PSMB7: variants seen among roughly 807,000 people sequenced by gnomAD.
PSMB7 encodes proteasome subunit beta type-7.
Under a neutral mutation model 28.1 loss-of-function variants are expected in PSMB7, and 5 were observed. That is an observed-to-expected ratio of 0.18 (90% confidence interval 0.09 to 0.37). The LOEUF (loss-of-function observed/expected upper bound fraction) is 0.37, where lower values mean the gene tolerates loss of function less well. PSMB7 is among the 10% of genes least tolerant of loss of function. PSMB7 has a pLI of 1.00. For missense variants in PSMB7, 275 were observed against 346.2 expected (o/e 0.79, Z 1.63); for synonymous variants, 122 against 123.7 (o/e 0.99, Z 0.09).
At chr9:124,366,651 C>T (rs1226868350) in intron 6 of PSMB7, among the ~76,000 whole-genome samples, 1 of 151,944 alleles carries the variant, frequency 6.6e-6, no homozygotes, top group African/African-American at 2.4e-5. Context: ...CTTCACTCAC[C>T]ACCCACTCAC....
chr9:124,364,012 G>C (rs964875063), intron 6 of PSMB7, among the ~76,000 whole-genome samples: 15 of 152,136 alleles, frequency 9.9e-5, no homozygotes, highest in Non-Finnish European at 1.8e-4. Flanking sequence ...TCTGTCCAAG[G>C]AATAAAATGA....
At chr9:124,368,300 A>T (rs1338675737) in intron 6 of PSMB7, among the ~76,000 whole-genome samples, 2 of 152,248 alleles carry the variant, frequency 1.3e-5, no homozygotes, top group African/African-American at 4.8e-5. Context: ...AAGTAAATTT[A>T]ATTTATAAAT....
intron 5 of PSMB7, chr9:124,398,412 C>A: frequency 6.4e-6 from 2 of 310,618 alleles, no homozygotes; most frequent in Non-Finnish European, 1.3e-5. Context: ...AGAGACAAAG[C>A]CCAGGCGAGT....
intron 5 of PSMB7, among the ~76,000 whole-genome samples, chr9:124,388,530 G>T (rs1488288933): frequency 6.6e-6 from 1 of 152,206 alleles, no homozygotes; most frequent in African/African-American, 2.4e-5. Context: ...ATGTGAGAAA[G>T]CTCCTTGTCT....
rs140795669 is a variant in PSMB7 at position 124,367,009 on chromosome 9, A to G, written c.571-10094T>C. Among the ~76,000 whole-genome samples, 904 of 152,388 alleles carry G rather than the reference A, an allele frequency of 5.9e-3. 10 individuals carry two copies. The highest frequency in any genetic ancestry group is 0.021 in the African/African-American group (876 of 41,594). On this transcript the variant is annotated intron_variant, in intron 6 of 7. Transcript: ENST00000259457. ...ATGTGTCCCTGTCGTTAAGCAACAC[A>G]TAACTATAGTTCGACTTGTGCTTTT...
At chr9:124,411,088 G>A (rs930077849) in intron 4 of PSMB7, among the ~76,000 whole-genome samples, 1 of 151,710 alleles carries the variant, frequency 6.6e-6, no homozygotes, top group Non-Finnish European at 1.5e-5. Flanking sequence ...CGATTCTCCT[G>A]TCTCAGCCTC....
rs556208711 is a variant in PSMB7, at chr9:124,411,579, A to T, written c.395+773T>A. Among the ~76,000 whole-genome samples, 167 of 152,376 alleles carry T rather than the reference A, an allele frequency of 1.1e-3. 1 individual carries two copies. Among genetic ancestry groups the T allele is most frequent in the African/African-American group, 3.2e-3 (135 of 41,594 alleles). On this transcript the variant is annotated intron_variant, in intron 4 of 7. Coordinates refer to ENST00000259457, the MANE Select transcript of PSMB7 (RefSeq NM_002799.4). ...CTAAATGCCCAGGCTACTTCTCCTA[A>T]AATCACTGCCTCTCTTATGAGAAGC...
intron 7 of PSMB7, among the ~76,000 whole-genome samples, chr9:124,355,531 T>C (rs1159525629): frequency 6.6e-6 from 1 of 152,174 alleles, no homozygotes; most frequent in Admixed American, 6.5e-5. Flanking sequence ...CTTGCTCAAA[T>C]CACGCATCTT....
At chr9:124,406,497 C>CAAAAAA (rs772524538) in intron 4 of PSMB7, among the ~76,000 whole-genome samples, 1 of 50,506 alleles carries the variant, frequency 2.0e-5, no homozygotes, top group East Asian at 5.8e-4. Context: ...AGAGTTGTCT[C>CAAAAAA]AAAAAAAAAA....
intron 6 of PSMB7, among the ~76,000 whole-genome samples, chr9:124,360,297 G>A (rs1830453505): frequency 6.6e-6 from 1 of 152,240 alleles, no homozygotes; most frequent in Admixed American, 6.5e-5. Context: ...ATAAGCGCAA[G>A]AAGCACTGTC....
chr9:124,374,249 T>G (rs1830588075), intron 6 of PSMB7, among the ~76,000 whole-genome samples: 1 of 151,606 alleles, frequency 6.6e-6, no homozygotes, highest in Non-Finnish European at 1.5e-5. Context: ...AAATGGGGAG[T>G]GATGGCCAAT....
chr9:124,380,323 T>C (rs1830652202), intron 6 of PSMB7, among the ~76,000 whole-genome samples: 1 of 152,176 alleles, frequency 6.6e-6, no homozygotes, highest in Admixed American at 6.5e-5. Context: ...GTGGCTCATC[T>C]GAGCCCAGGA....
chr9:124,388,427 C>A (rs1830747779), intron 5 of PSMB7, among the ~76,000 whole-genome samples: 1 of 152,174 alleles, frequency 6.6e-6, no homozygotes, highest in East Asian at 1.9e-4. Flanking sequence ...GAGAAGGAAG[C>A]CAAAGAGAAG....
intron 5 of PSMB7, among the ~76,000 whole-genome samples, chr9:124,401,375 TTACCTGTCTAA>T (rs1408224728): frequency 2.0e-5 from 3 of 152,244 alleles, no homozygotes; most frequent in Non-Finnish European, 4.4e-5. Flanking sequence ...TCATGTGAAT[TTACCTGTCTAA>T]TACCTGTCTC....
chr9:124,370,223 C>CTTT (rs34812724), intron 6 of PSMB7, among the ~76,000 whole-genome samples: 1 of 144,458 alleles, frequency 6.9e-6, no homozygotes, highest in African/African-American at 2.5e-5. Context: ...GAAAGAGCAC[C>CTTT]TTTTTTTTTT....
At chr9:124,406,067 G>C (rs1044216646) in intron 4 of PSMB7, among the ~76,000 whole-genome samples, 1 of 152,036 alleles carries the variant, frequency 6.6e-6, no homozygotes, top group African/African-American at 2.4e-5. Flanking sequence ...GAACTTGCCC[G>C]GTCTCAGAAC....
At position 124,413,922 on chromosome 9, in the gene PSMB7, T is replaced by C; in HGVS notation, c.240A>G (p.Ile80Met). 1 of 1,604,994 alleles carries C rather than the reference T, an allele frequency of 6.2e-7. No homozygotes were observed. The highest frequency in any genetic ancestry group is 8.5e-7 in the Non-Finnish European group (1 of 1,172,374). The stretch of plus-strand genomic sequence containing the variant: ...TCAATACTTACTAAATATTAGGAGA[T>C]ATGAAGTGTATTTTTGAACAGTTCT... ...ADKNCSKIHFISPNIYCCGAG... is the reference protein window; with the variant it reads ...ADKNCSKIHFMSPNIYCCGAG... Residue 80 changes from isoleucine to methionine, a missense_variant, in exon 3 of 8, where the codon ATA becomes ATG. Physicochemically the swap from Ile to Met is conservative, Grantham distance 10. Around this residue, in one of 2 missense-constraint regions of PSMB7, gnomAD observed 213 missense variants for 302.4 expected, o/e 0.70. Coordinates refer to ENST00000259457, the MANE Select transcript of PSMB7 (RefSeq NM_002799.4).
chr9:124,354,279 C>G (rs1257988281), intron 7 of PSMB7, among the ~76,000 whole-genome samples: 1 of 152,230 alleles, frequency 6.6e-6, no homozygotes, highest in Non-Finnish European at 1.5e-5. Context: ...CACTAGGACA[C>G]ACCCAACACC....
chr9:124,407,158 C>CA (rs1484900718), intron 4 of PSMB7, among the ~76,000 whole-genome samples: 1 of 152,110 alleles, frequency 6.6e-6, no homozygotes, highest in African/African-American at 2.4e-5. Context: ...CTGAATTTGC[C>CA]AAACGATGTA....
Sources: gnomAD v4.1 joint callset for allele counts (sites outside exome capture counted in the v4.1 genomes callset) on GRCh38, gnomAD v4.1.1 for gene constraint, gnomAD v4.1.1 regional missense constraint, MANE v1.5 for transcripts, NCBI Gene and HGNC (gene_info 2026-07-23, HGNC 2026-07-21) for gene names.